The following ADNP variants were observed in gnomAD, a reference collection of about 807,000 sequenced individuals.
ADNP encodes activity-dependent neuroprotector homeobox protein.
Under a neutral mutation model 84.9 loss-of-function variants are expected in ADNP, and 4 were observed. The ratio of observed to expected loss-of-function variants is 0.05; its 90% confidence interval spans 0.02 to 0.11. The LOEUF is 0.11. Ranked by LOEUF, ADNP falls within the 10% of genes least tolerant of loss-of-function variation. The probability of loss-of-function intolerance (pLI) is 1.00; values close to 1 mark genes in which losing one functional copy is unlikely to be tolerated. For missense variants in ADNP, 1,132 were observed against 1,326.0 expected, an observed-to-expected ratio of 0.85 and a Z score of 2.27; for synonymous variants, 554 against 468.1, an observed-to-expected ratio of 1.18 and a Z score of -2.37.
chr20:50,918,503 A>G (rs1276956508), intron 2 of ADNP, among the ~76,000 whole-genome samples: 1 of 152,176 alleles, frequency 6.6e-6, no homozygotes, highest in Non-Finnish European at 1.5e-5. Context: ...TTAAAGAAAA[A>G]AAAATGGTAG....
At chr20:50,904,134 TACACACACAG>T (rs1982251471) in intron 3 of ADNP, 133 bp from the exon 4 acceptor site, 2 of 646,318 alleles carry the variant, frequency 3.1e-6, no homozygotes, top group South Asian at 3.8e-5. Context: ...ATCTAGTGTG[TACACACACAG>T]ACACACACCT....
intron 2 of ADNP, among the ~76,000 whole-genome samples, chr20:50,927,883 G>A (rs561142918): frequency 2.6e-5 from 4 of 152,196 alleles, no homozygotes; most frequent in East Asian, 3.9e-4. Flanking sequence ...CAAACATTCC[G>A]TCAAATAAGT....
chr20:50,920,021 G>C (rs1281183608), intron 2 of ADNP, among the ~76,000 whole-genome samples: 1 of 152,114 alleles, frequency 6.6e-6, no homozygotes, highest in African/African-American at 2.4e-5. Context: ...GCTCATGCCT[G>C]AAATCCCAGC....
At position 50,892,097 on chromosome 20, in the gene ADNP, C is replaced by A. The variant is rs147299402; in HGVS notation, c.2617G>T (p.Asp873Tyr). 188 of 1,614,016 alleles carry A rather than the reference C, an allele frequency of 1.2e-4. No individual in the cohort carries two copies. The highest frequency in any genetic ancestry group is 1.6e-4 in the Middle Eastern group (1 of 6,084). ...DKKLNLGKED[D>Y]SSSDSFENLE... The stretch of plus-strand genomic sequence containing the variant: ...TTTTCAAAACTGTCTGAGGAACTGT[C>A]ATCTTCCTTCCCAAGGTTGAGCTTT... Residue 873 changes from aspartate (D) to tyrosine (Y), a missense_variant, in exon 6 of 6, where the codon GAC (aspartate) becomes TAC (tyrosine). Coordinates refer to ENST00000621696, the MANE Select transcript of ADNP (RefSeq NM_001282531.3).
chr20:50,919,287 A>ACACATAT (rs776823194), intron 2 of ADNP, among the ~76,000 whole-genome samples: 6 of 128,064 alleles, frequency 4.7e-5, no homozygotes, highest in Non-Finnish European at 7.6e-5. Flanking sequence ...ACATATATTT[A>ACACATAT]AGTGTATATA....
At chr20:50,902,301 T>C (rs988271077) in intron 4 of ADNP, among the ~76,000 whole-genome samples, 192 bp from the exon 5 acceptor site, 1 of 152,172 alleles carries the variant, frequency 6.6e-6, no homozygotes, top group Non-Finnish European at 1.5e-5. Context: ...ACATTTTATA[T>C]CAACCAACCA....
At chr20:50,912,188 T>C (rs1351848784) in intron 2 of ADNP, among the ~76,000 whole-genome samples, 1 of 152,200 alleles carries the variant, frequency 6.6e-6, no homozygotes, top group Non-Finnish European at 1.5e-5. Flanking sequence ...AGACGGAGTC[T>C]CCCTCTGTTA....
At position 50,891,144 on chromosome 20, in the gene ADNP, GCTTT is replaced by G; in HGVS notation, c.*257_*260del. Reference sequence around the variant, plus strand: ...GAAAAGGCAGATAAAATAAACCTCTGCTTTTCCTCGTGTGTATTCATGAGTCACC... The same window carrying G: ...GAAAAGGCAGATAAAATAAACCTCTGTCCTCGTGTGTATTCATGAGTCACC... On this transcript the variant is annotated 3_prime_UTR_variant, in exon 6 of 6. Coordinates refer to ENST00000621696, the MANE Select transcript of ADNP (RefSeq NM_001282531.3). 1 of 1,254,292 alleles carries G rather than the reference GCTTT, an allele frequency of 8.0e-7. No homozygotes were observed. Among genetic ancestry groups the G allele is most frequent in the Non-Finnish European group, 1.0e-6 (1 of 1,000,452 alleles). The allele number at this position is 1,254,292 out of a possible 1,614,324, so 77.7% of individuals were successfully genotyped here.
chr20:50,891,383 C>T lies in ADNP; in HGVS notation c.*22G>A. On this transcript the variant is annotated 3_prime_UTR_variant, in exon 6 of 6. Coordinates refer to ENST00000621696, the MANE Select transcript of ADNP (RefSeq NM_001282531.3). ...CAGAGTTCCAGGCTGCAGCATGTCA[C>T]CAACGCCAGGGAACCTGGCACTTAG... is the stretch of plus-strand genomic sequence containing the variant. The T allele has an allele frequency of 1.3e-6, 2 of 1,567,456 alleles. No individual in the cohort carries two copies. Among genetic ancestry groups the T allele is most frequent in the East Asian group, 2.2e-5 (1 of 44,560 alleles).
At chr20:50,926,054 T>C (rs916708033) in intron 2 of ADNP, among the ~76,000 whole-genome samples, 4 of 152,208 alleles carry the variant, frequency 2.6e-5, no homozygotes, top group African/African-American at 4.8e-5. Flanking sequence ...GAGCCGACAT[T>C]GGGCCACCGC....
intron 2 of ADNP, among the ~76,000 whole-genome samples, chr20:50,921,280 T>C (rs1424042855): frequency 2.0e-5 from 3 of 152,234 alleles, no homozygotes; most frequent in Non-Finnish European, 4.4e-5. Context: ...CACATTACAA[T>C]GCATCATGCA....
At chr20:50,919,680 A>G (rs1204337836) in intron 2 of ADNP, among the ~76,000 whole-genome samples, 1 of 152,200 alleles carries the variant, frequency 6.6e-6, no homozygotes, top group East Asian at 1.9e-4. Flanking sequence ...GGGTGGCAAC[A>G]GCTGCTGAGT....
intron 2 of ADNP, chr20:50,909,504 A>G (rs945917953): frequency 3.9e-5 from 6 of 151,954 alleles, no homozygotes; most frequent in African/African-American, 1.5e-4. Flanking sequence ...ACAAACCTAT[A>G]TATTGTTCAT....
chr20:50,894,546 C>T lies in ADNP; in HGVS notation c.202-34G>A. ...AACACAAAAACTAGAATTAGAATGC[C>T]ACTTCAGATAGGCAGTTAACAGATT... On this transcript the variant is annotated intron_variant, in intron 5 of 5. Coordinates refer to ENST00000621696, the MANE Select transcript of ADNP (RefSeq NM_001282531.3). 1.9e-6 allele frequency: 3 copies of T among 1,545,900 alleles called. No individual in the cohort carries two copies. In the South Asian group the frequency reaches 3.9e-5, roughly 20 times the overall value.
intron 5 of ADNP, 125 bp downstream of exon 5, chr20:50,901,892 G>T: frequency 1.3e-6 from 1 of 795,018 alleles, no homozygotes; most frequent in East Asian, 2.5e-5. Context: ...AATATGAAAT[G>T]CAATTTTGAC....
At position 50,889,289 on chromosome 20, in the gene ADNP, A is replaced by G. The variant is rs1980398366; in HGVS notation, c.*2116T>C. On this transcript the variant is annotated 3_prime_UTR_variant, in exon 6 of 6. Transcript: ENST00000621696. ...ATTAGTCCTCCACGTACAACTCAGA[A>G]GCCTGTTAATCAGGGAGGGTAATTT... The G allele has an allele frequency of 6.6e-6, 1 of 152,216 alleles. No individual in the cohort carries two copies. The highest frequency in any genetic ancestry group is 2.1e-4 in the South Asian group (1 of 4,830). 9.4% of individuals were successfully genotyped at this position (152,216 alleles called of 1,614,324 possible).
In ADNP at chr20:50,892,594, T is replaced by C; in HGVS notation, c.2120A>G (p.Asn707Ser). 1 of 1,614,224 alleles carries C rather than the reference T, an allele frequency of 6.2e-7. No individual in the cohort carries two copies. Among genetic ancestry groups the C allele is most frequent in the Non-Finnish European group, 8.5e-7 (1 of 1,180,038 alleles). ...CACAGGTGCCAGACTTGGAGACTGATTAAGCCGAGAGGGTGCATTTGTCTT... is the reference window on the plus strand; with the variant it reads ...CACAGGTGCCAGACTTGGAGACTGACTAAGCCGAGAGGGTGCATTTGTCTT... ...QDKTNAPSRL[N>S]QSPSLAPVKR... Residue 707 changes from asparagine (N) to serine (S), a missense_variant, in exon 6 of 6, where the codon AAT becomes AGT. Asn to Ser is a conservative substitution (Grantham distance 46). Coordinates refer to ENST00000621696, the MANE Select transcript of ADNP (RefSeq NM_001282531.3).
intron 5 of ADNP, 26 bp downstream of exon 5, chr20:50,901,991 C>A (rs764155506): frequency 1.3e-6 from 2 of 1,541,324 alleles, no homozygotes; most frequent in Non-Finnish European, 1.8e-6. Flanking sequence ...ATGCTGCCAT[C>A]TGAGGAAGTC....
At chr20:50,898,939 C>G (rs1981685815) in intron 5 of ADNP, among the ~76,000 whole-genome samples, 1 of 152,222 alleles carries the variant, frequency 6.6e-6, no homozygotes, top group East Asian at 1.9e-4. Context: ...CTAGTACAGA[C>G]TGCATATGGG....
Sources: gnomAD v4.1 joint callset for allele counts (sites outside exome capture counted in the v4.1 genomes callset) on GRCh38, gnomAD v4.1.1 for gene constraint, MANE v1.5 for transcripts, NCBI Gene and HGNC (gene_info 2026-07-23, HGNC 2026-07-21) for gene names.